CARS1: variants seen among roughly 807,000 people sequenced by gnomAD.
CARS1 encodes the protein cysteinyl-tRNA synthetase 1, also known as cysteine--tRNA ligase, cytoplasmic.
Under a neutral mutation model 106.2 loss-of-function variants are expected in CARS1, and 48 were observed. That is an observed-to-expected ratio of 0.45 (90% confidence interval 0.36 to 0.57). The LOEUF (loss-of-function observed/expected upper bound fraction) is 0.57. CARS1 is among the 20% of genes least tolerant of loss of function. The probability of loss-of-function intolerance (pLI) is 0.00; values close to 1 mark genes in which losing one functional copy is unlikely to be tolerated. For synonymous variants in CARS1, 409 were observed against 403.4 expected (o/e 1.01, Z -0.17); for missense variants, 968 against 1,057.2 (o/e 0.92, Z 1.17).
chr11:3,001,340 T>G lies in CARS1; in HGVS notation c.2362-92A>C. Reference sequence around the variant, plus strand: ...TTGCCCTCCCGTCTCAAAGTGTCTATCTCCCTGATGCAGCCATGTCCTCTT... The same window carrying G: ...TTGCCCTCCCGTCTCAAAGTGTCTAGCTCCCTGATGCAGCCATGTCCTCTT... On this transcript the variant is annotated intron_variant, in intron 22 of 22. Coordinates refer to ENST00000380525, the MANE Select transcript of CARS1 (RefSeq NM_001014437.3). 2.1e-6 allele frequency: 3 copies of G among 1,451,380 alleles called. No homozygotes were observed. In the Admixed American group the frequency reaches 5.2e-5, roughly 25 times the overall value. 89.9% of individuals were successfully genotyped at this position (1,451,380 alleles called of 1,614,324 possible).
chr11:3,016,065 T>C (rs187618817), intron 16 of CARS1, among the ~76,000 whole-genome samples: 2 of 152,154 alleles, frequency 1.3e-5, no homozygotes, highest in African/African-American at 4.8e-5. Flanking sequence ...TCCAGCTCTG[T>C]TTCAGCCAGA....
rs937881539 is a variant in CARS1 at position 3,021,996 on chromosome 11, G to A, written c.1154-1664C>T. Among the ~76,000 whole-genome samples, 1 of 152,066 alleles carries A rather than the reference G, an allele frequency of 6.6e-6. No homozygotes were observed. Among genetic ancestry groups the A allele is most frequent in the Admixed American group, 6.6e-5 (1 of 15,266 alleles). ...GAAAAAATTGATAACAGAGAACACAGGACCCTCCCCACAAACACCCTATCC... is the reference window on the plus strand; with the variant it reads ...GAAAAAATTGATAACAGAGAACACAAGACCCTCCCCACAAACACCCTATCC... On this transcript the variant is annotated intron_variant, in intron 10 of 22. Transcript: ENST00000380525. This position sits in a 1 kb window ranked among gnomAD's most constrained non-coding sequence, Gnocchi z 5.3.
In CARS1 at chr11:3,018,443, T is replaced by C. The variant is rs774915903; in HGVS notation, c.1594A>G (p.Met532Val). ...KDTLDYSSNT[M>V]ESALQYEKFL... ...TTCTCATATTGAAGCGCTGACTCCA[T>C]GGTGTTGCTGGAGTAGTCCAGGGTG... Residue 532 changes from methionine (M) to valine (V), a missense_variant, in exon 14 of 23, where the codon ATG becomes GTG. Transcript: ENST00000380525. 1.2e-6 allele frequency: 2 copies of C among 1,613,810 alleles called. No individual in the cohort carries two copies. Among genetic ancestry groups the C allele is most frequent in the South Asian group, 1.1e-5 (1 of 91,080 alleles).
At chr11:3,013,459 C>A (rs180975712) in intron 17 of CARS1, among the ~76,000 whole-genome samples, 40 of 152,310 alleles carry the variant, frequency 2.6e-4, no homozygotes, top group Admixed American at 2.4e-3. Context: ...GCTAGCATTT[C>A]TCTTTTTCTA....
Position 3,004,345 on chromosome 11 carries a change from G to A in CARS1, c.2217+1021C>T, listed in dbSNP as rs1428846758. 6.6e-6 allele frequency among the ~76,000 whole-genome samples: 1 copy of A among 152,178 alleles called. No homozygotes were observed. The highest frequency in any genetic ancestry group is 1.5e-5 in the Non-Finnish European group (1 of 68,016). Reference sequence around the variant, plus strand: ...GCATGAGCTCTCCCCTCGTGCCTTGGGCCAGTGCAGGGCTAGGCATAGATG... The same window carrying A: ...GCATGAGCTCTCCCCTCGTGCCTTGAGCCAGTGCAGGGCTAGGCATAGATG... On this transcript the variant is annotated intron_variant, in intron 20 of 22. Coordinates refer to ENST00000380525, the MANE Select transcript of CARS1 (RefSeq NM_001014437.3). The surrounding 1 kb of genome is among the most constrained non-coding windows in gnomAD (Gnocchi z 5.2).
At chr11:3,026,303 C>G (rs1253248240) in intron 10 of CARS1, among the ~76,000 whole-genome samples, 1 of 151,998 alleles carries the variant, frequency 6.6e-6, no homozygotes, top group Non-Finnish European at 1.5e-5. Context: ...CTATAGTTAC[C>G]AAAACATTTG....
At chr11:3,056,447 G>C (rs1000589741) in intron 1 of CARS1, among the ~76,000 whole-genome samples, 2 of 152,204 alleles carry the variant, frequency 1.3e-5, no homozygotes, top group African/African-American at 4.8e-5. Context: ...AGAACCCACT[G>C]GTCTCTCAAG....
rs772691913 is a variant in CARS1 at position 3,028,759 on chromosome 11, G to C, written c.1031+237C>G. The C allele has an allele frequency of 1.1e-5, 6 of 526,402 alleles. No homozygotes were observed. The highest frequency in any genetic ancestry group is 3.8e-5 in the African/African-American group (2 of 52,696). The allele number at this position is 526,402 out of a possible 1,614,324, so 32.6% of individuals were successfully genotyped here. A position where few individuals can be genotyped will look rare whatever the true frequency, so the allele number is the denominator to read the frequency against. On this transcript the variant is annotated intron_variant, in intron 9 of 22. Transcript: ENST00000380525. This position sits in a 1 kb window ranked among gnomAD's most constrained non-coding sequence, Gnocchi z 4.4. ...CATGACTGATGGTCTTGGCTGCCGA[G>C]CTTCCCAGCAGATTCTGGGTTAGGT...
At position 3,043,137 on chromosome 11, in the gene CARS1, C is replaced by T. The variant is rs78661079; in HGVS notation, c.275-881G>A. Among the ~76,000 whole-genome samples the T allele has an allele frequency of 0.018, 2,708 of 152,316 alleles. 87 individuals are homozygous for T. The highest frequency in any genetic ancestry group is 0.061 in the African/African-American group (2,541 of 41,568). On this transcript the variant is annotated intron_variant, in intron 2 of 22. Coordinates refer to ENST00000380525, the MANE Select transcript of CARS1 (RefSeq NM_001014437.3). This position sits in a 1 kb window ranked among gnomAD's most constrained non-coding sequence, Gnocchi z 4.0. Reference sequence around the variant, plus strand: ...TGGCCAGACTTCCCTAGTTGTTCCCCTCCACTCGCCTGTGGGCCGCCTGGG... The same window carrying T: ...TGGCCAGACTTCCCTAGTTGTTCCCTTCCACTCGCCTGTGGGCCGCCTGGG...
Position 3,029,451 on chromosome 11 carries a change from GA to G in CARS1, c.802-9del. The G allele has an allele frequency of 6.2e-7, 1 of 1,612,984 alleles. No individual in the cohort carries two copies. The highest frequency in any genetic ancestry group is 1.1e-5 in the South Asian group (1 of 91,066). On this transcript the variant is annotated splice_polypyrimidine_tract_variant and intron_variant, in intron 7 of 22. Coordinates refer to ENST00000380525, the MANE Select transcript of CARS1 (RefSeq NM_001014437.3). This position sits in a 1 kb window ranked among gnomAD's most constrained non-coding sequence, Gnocchi z 5.9. Reference sequence around the variant, plus strand: ...GGCTTCTTCCAGCAACACCTGAAGAGAAAGAAACAAAAATCCAGCAGCGGGC... The same window carrying G: ...GGCTTCTTCCAGCAACACCTGAAGAGAAGAAACAAAAATCCAGCAGCGGGC...
In CARS1 at chr11:3,030,032, C is replaced by T. The variant is rs969315390; in HGVS notation, c.802-589G>A. On this transcript the variant is annotated intron_variant, in intron 7 of 22. Transcript: ENST00000380525. The surrounding 1 kb of genome is among the most constrained non-coding windows in gnomAD (Gnocchi z 5.7). ...GTGAACCAGGTCCTGACCACACACACTCTAGGCATGAGACACGCCCCAACT... is the reference window on the plus strand; with the variant it reads ...GTGAACCAGGTCCTGACCACACACATTCTAGGCATGAGACACGCCCCAACT... The T allele has an allele frequency of 6.5e-6, 1 of 152,978 alleles. No homozygotes were observed. The highest frequency in any genetic ancestry group is 1.5e-5 in the Non-Finnish European group (1 of 68,670). 9.5% of individuals were successfully genotyped at this position (152,978 alleles called of 1,614,324 possible). A position where few individuals can be genotyped will look rare whatever the true frequency, so the allele number is the denominator to read the frequency against.
At chr11:3,001,281 C>T (rs766277544) in intron 22 of CARS1, 33 bp from the exon 23 acceptor site, 25 of 1,608,806 alleles carry the variant, frequency 1.6e-5, no homozygotes, top group Non-Finnish European at 2.0e-5. Flanking sequence ...CTATTGGTCT[C>T]CTCTGCACCT....
At chr11:3,049,289 C>CT (rs1238280115) in intron 1 of CARS1, among the ~76,000 whole-genome samples, 12 of 152,078 alleles carry the variant, frequency 7.9e-5, no homozygotes, top group Non-Finnish European at 1.8e-4. Flanking sequence ...TAATCATACT[C>CT]CCTTTAAATC....
intron 17 of CARS1, among the ~76,000 whole-genome samples, chr11:3,013,064 A>G (rs1850647373): frequency 7.5e-6 from 1 of 133,810 alleles, no homozygotes; most frequent in African/African-American, 2.9e-5. Context: ...TAATTTTTGT[A>G]TTTTCAGTAG....
intron 18 of CARS1, among the ~76,000 whole-genome samples, chr11:3,010,405 A>G (rs1199807782): frequency 6.6e-6 from 1 of 152,254 alleles, no homozygotes; most frequent in African/African-American, 2.4e-5. Context: ...GATGCCGCTA[A>G]GTTAGTGCTG....
At position 3,000,999 on chromosome 11, in the gene CARS1, CTT is replaced by C; in HGVS notation, c.*113_*114del. On this transcript the variant is annotated 3_prime_UTR_variant, in exon 23 of 23. Transcript: ENST00000380525. The surrounding 1 kb of genome is among the most constrained non-coding windows in gnomAD (Gnocchi z 7.1). ...GACACGAACCTACATGAACACAACT[CTT>C]AATTTAGGACCCAAGGGTGACTGTA... 1 of 1,219,800 alleles carries C rather than the reference CTT, an allele frequency of 8.2e-7. No homozygotes were observed. The highest frequency in any genetic ancestry group is 1.2e-6 in the Non-Finnish European group (1 of 860,086). 75.6% of individuals were successfully genotyped at this position (1,219,800 alleles called of 1,614,324 possible).
Position 3,020,459 on chromosome 11 carries a change from C to T in CARS1, c.1154-127G>A, listed in dbSNP as rs1464420991. The stretch of plus-strand genomic sequence containing the variant: ...GACTAACTTCTGTTTATTAACTTGG[C>T]TCAAGCATTTCTTCAAGTTAACTAT... On this transcript the variant is annotated intron_variant, in intron 10 of 22. Transcript: ENST00000380525. This position sits in a 1 kb window ranked among gnomAD's most constrained non-coding sequence, Gnocchi z 4.6. The T allele has an allele frequency of 3.1e-6, 2 of 640,444 alleles. No individual in the cohort carries two copies. The highest frequency in any genetic ancestry group is 2.5e-5 in the Admixed American group (1 of 40,746). 39.7% of individuals were successfully genotyped at this position (640,444 alleles called of 1,614,324 possible).
In CARS1 at chr11:3,001,108, G is replaced by A; in HGVS notation, c.*6C>T. The A allele has an allele frequency of 6.2e-7, 1 of 1,613,858 alleles. No homozygotes were observed. The highest frequency in any genetic ancestry group is 8.5e-7 in the Non-Finnish European group (1 of 1,179,978). On this transcript the variant is annotated 3_prime_UTR_variant, in exon 23 of 23. Transcript: ENST00000380525. The stretch of plus-strand genomic sequence containing the variant: ...CAATGGTTTAAAAAGTCAGTCCTGT[G>A]CCCCCTCACTGGAAGCTTCCATTCT...
chr11:3,003,236 A>G lies in CARS1; in HGVS notation c.2218-636T>C, dbSNP rs1375304805. Among the ~76,000 whole-genome samples, 1 of 152,228 alleles carries G rather than the reference A, an allele frequency of 6.6e-6. No homozygotes were observed. The highest frequency in any genetic ancestry group is 1.5e-5 in the Non-Finnish European group (1 of 68,038). Reference sequence around the variant, plus strand: ...TTCTGGCCTGAGCCATTGCACGAACAGACATGCCCTCCACTGACGGAAAAG... The same window carrying G: ...TTCTGGCCTGAGCCATTGCACGAACGGACATGCCCTCCACTGACGGAAAAG... On this transcript the variant is annotated intron_variant, in intron 20 of 22. Transcript: ENST00000380525. The surrounding 1 kb of genome is among the most constrained non-coding windows in gnomAD (Gnocchi z 4.8).
Sources: gnomAD v4.1 joint callset for allele counts (sites outside exome capture counted in the v4.1 genomes callset) on GRCh38, gnomAD v4.1.1 for gene constraint, Gnocchi (gnomAD v3.1) non-coding constraint, MANE v1.5 for transcripts, NCBI Gene and HGNC (gene_info 2026-07-23, HGNC 2026-07-21) for gene names.